The following PROK2 variants were observed in gnomAD, a reference collection of about 807,000 sequenced individuals.
PROK2 encodes the protein prokineticin-2.
In PROK2, 8 loss-of-function variants were observed where a neutral mutation model predicts 14.2. The observed-to-expected ratio is 0.56, with a 90% CI of 0.33 to 1.02. PROK2 has a LOEUF of 1.02. PROK2 is among the 50% of genes least tolerant of loss of function. PROK2 has a pLI of 0.03. For synonymous variants in PROK2, 59 were observed against 60.7 expected, an observed-to-expected ratio of 0.97 and a Z score of 0.13; for missense variants, 154 against 160.4, an observed-to-expected ratio of 0.96 and a Z score of 0.22.
chr3:71,781,541 T>C lies in PROK2; in HGVS notation c.148A>G (p.Ile50Val). Residue 50 changes from isoleucine to valine, a missense_variant, in exon 2 of 4, where the codon ATC becomes GTC. Coordinates refer to ENST00000295619, the MANE Select transcript of PROK2 (RefSeq NM_001126128.2). ...CGGGMCCAVSIWVKSIRICTP... is the reference protein window; with the variant it reads ...CGGGMCCAVSVWVKSIRICTP... ...CAAATCCTTATGCTCTTGACCCAGA[T>C]ACTGACAGCACAGCACATGCCTCCA... The C allele has an allele frequency of 6.2e-7, 1 of 1,612,934 alleles. No individual in the cohort carries two copies. Among genetic ancestry groups the C allele is most frequent in the Non-Finnish European group, 8.5e-7 (1 of 1,178,952 alleles).
chr3:71,772,215 CA>C lies in PROK2; in HGVS notation c.*508del, dbSNP rs1164383694. 2 of 160,898 alleles carry C rather than the reference CA, an allele frequency of 1.2e-5. No homozygotes were observed. The highest frequency in any genetic ancestry group is 4.8e-5 in the African/African-American group (2 of 41,416). 10.0% of individuals were successfully genotyped at this position (160,898 alleles called of 1,614,324 possible). A position where few individuals can be genotyped will look rare whatever the true frequency, so the allele number is the denominator to read the frequency against. On this transcript the variant is annotated 3_prime_UTR_variant, in exon 4 of 4. Coordinates refer to ENST00000295619, the MANE Select transcript of PROK2 (RefSeq NM_001126128.2). ...GATTCTGCCATCAAACTCAAAGAGA[CA>C]AACCCTCCACTTTAAAATGCAAGAG...
chr3:71,781,659 A>T, intron 1 of PROK2, 67 bp from the exon 2 acceptor site: 2 of 1,517,534 alleles, frequency 1.3e-6, no homozygotes, highest in Non-Finnish European at 1.8e-6. Context: ...GAAACCTAAA[A>T]TTAGCAGTGA....
At position 71,777,570 on chromosome 3, in the gene PROK2, T is replaced by C. The variant is rs1559625653; in HGVS notation, c.223-3063A>G. On this transcript the variant is annotated intron_variant, in intron 2 of 3. Transcript: ENST00000295619. ...TTTTCCTTCAGAAAAGGAAGGAAAGTGAAGTTTTTAAAAAAACCTGGTGCT... is the reference window on the plus strand; with the variant it reads ...TTTTCCTTCAGAAAAGGAAGGAAAGCGAAGTTTTTAAAAAAACCTGGTGCT... Among the ~76,000 whole-genome samples the C allele has an allele frequency of 2.0e-5, 3 of 151,984 alleles. No homozygotes were observed. The East Asian group carries it at 5.8e-4, about 29-fold the overall frequency.
intron 3 of PROK2, among the ~76,000 whole-genome samples, chr3:71,773,104 C>T (rs748203315): frequency 2.0e-5 from 3 of 152,128 alleles, no homozygotes; most frequent in Non-Finnish European, 2.9e-5. Context: ...CTCGGGCTCC[C>T]GAGTAGCTGG....
intron 2 of PROK2, among the ~76,000 whole-genome samples, chr3:71,777,149 G>A (rs74627854): frequency 0.021 from 3,250 of 152,212 alleles, 103 homozygotes; most frequent in African/African-American, 0.074. Context: ...TGGGCAAAGC[G>A]CATATAGTAC....
rs1234084395 is a variant in PROK2 at position 71,785,079 on chromosome 3, G to A, written c.-27C>T. The stretch of plus-strand genomic sequence containing the variant: ...GCGCCCTCGGGACTGGGCGGCCGCC[G>A]GAGGCAGTTGGGGGCGCGGGGCCCG... On this transcript the variant is annotated 5_prime_UTR_variant, in exon 1 of 4. Transcript: ENST00000295619. 16 of 1,223,292 alleles carry A rather than the reference G, an allele frequency of 1.3e-5. No homozygotes were observed. Among genetic ancestry groups the A allele is most frequent in the Non-Finnish European group, 1.6e-5 (16 of 977,032 alleles). The allele number at this position is 1,223,292 out of a possible 1,614,324, so 75.8% of individuals were successfully genotyped here. A position where few individuals can be genotyped will look rare whatever the true frequency, so the allele number is the denominator to read the frequency against.
intron 2 of PROK2, among the ~76,000 whole-genome samples, chr3:71,774,972 G>T (rs1205372384): frequency 6.6e-6 from 1 of 152,152 alleles, no homozygotes; most frequent in African/African-American, 2.4e-5. Context: ...TGTGTCCCCA[G>T]GGGACATTTG....
chr3:71,773,633 A>G (rs1261656789), intron 3 of PROK2, among the ~76,000 whole-genome samples: 5 of 152,246 alleles, frequency 3.3e-5, no homozygotes, highest in African/African-American at 1.2e-4. Context: ...TAATTCATAC[A>G]TTTGCACACA....
In PROK2 at chr3:71,772,524, T is replaced by C; in HGVS notation, c.*200A>G. The C allele has an allele frequency of 1.6e-6, 1 of 606,366 alleles. No homozygotes were observed. The highest frequency in any genetic ancestry group is 2.9e-6 in the Non-Finnish European group (1 of 344,174). The allele number at this position is 606,366 out of a possible 1,614,324, so 37.6% of individuals were successfully genotyped here. On this transcript the variant is annotated 3_prime_UTR_variant, in exon 4 of 4. Coordinates refer to ENST00000295619, the MANE Select transcript of PROK2 (RefSeq NM_001126128.2). ...AACCAGTTCCATAATGCCTTACACTTCATATTTCTATCCAAAAGTAAAATT... is the reference window on the plus strand; with the variant it reads ...AACCAGTTCCATAATGCCTTACACTCCATATTTCTATCCAAAAGTAAAATT...
intron 2 of PROK2, among the ~76,000 whole-genome samples, chr3:71,775,710 G>C (rs1316992957): frequency 6.6e-6 from 1 of 152,034 alleles, no homozygotes; most frequent in African/African-American, 2.4e-5. Flanking sequence ...AGTCAAACAG[G>C]GTCCTGCTTT....
chr3:71,777,394 T>C (rs2050128400), intron 2 of PROK2, among the ~76,000 whole-genome samples: 1 of 152,172 alleles, frequency 6.6e-6, no homozygotes, highest in Admixed American at 6.5e-5. Flanking sequence ...TTTTTTACTT[T>C]AAAAAATATG....
Position 71,781,508 on chromosome 3 carries a change from T to C in PROK2, c.181A>G (p.Met61Val), listed in dbSNP as rs1282942039. 1.9e-6 allele frequency: 3 copies of C among 1,613,912 alleles called. No individual in the cohort carries two copies. Among genetic ancestry groups the C allele is most frequent in the Admixed American group, 3.3e-5 (2 of 60,022 alleles). The change falls in exon 2 of 4, where the codon ATG (methionine) becomes GTG (valine). Residue 61 changes from methionine to valine, a missense_variant. Physicochemically the swap from Met to Val is conservative, Grantham distance 21 (BLOSUM62 1). Transcript: ENST00000295619. ...TGGCAGCTGTCTCCCAGTTTGCCCA[T>C]AGGTGTGCAAATCCTTATGCTCTTG... ...WVKSIRICTP[M>V]GKLGDSCHPL...
chr3:71,783,146 C>T (rs2050172150), intron 1 of PROK2, among the ~76,000 whole-genome samples: 1 of 152,178 alleles, frequency 6.6e-6, no homozygotes. Flanking sequence ...AACAGATGCT[C>T]AATACCTCGA....
intron 1 of PROK2, among the ~76,000 whole-genome samples, chr3:71,784,719 G>T (rs988134476): frequency 1.3e-5 from 2 of 152,234 alleles, no homozygotes; most frequent in Non-Finnish European, 2.9e-5. Flanking sequence ...GGTAATAAAG[G>T]TGGTGGGCGA....
chr3:71,780,119 A>C (rs535232080), intron 2 of PROK2, among the ~76,000 whole-genome samples: 1 of 152,358 alleles, frequency 6.6e-6, no homozygotes, highest in Admixed American at 6.5e-5. Context: ...CCAAGAAAAA[A>C]CAATGCATGT....
In PROK2 at chr3:71,772,633, C is replaced by T; in HGVS notation, c.*91G>A. 2 of 1,127,770 alleles carry T rather than the reference C, an allele frequency of 1.8e-6. No individual in the cohort carries two copies. Among genetic ancestry groups the T allele is most frequent in the Non-Finnish European group, 1.3e-6 (1 of 742,880 alleles). 69.9% of individuals were successfully genotyped at this position (1,127,770 alleles called of 1,614,324 possible). On this transcript the variant is annotated 3_prime_UTR_variant, in exon 4 of 4. Transcript: ENST00000295619. ...GAAAGTTGAGGAAGCAAGAGCATTT[C>T]TTTCTGGCACATTTTTTGTTTGGCA... is the stretch of plus-strand genomic sequence containing the variant.
At chr3:71,775,487 A>G (rs1040740708) in intron 2 of PROK2, among the ~76,000 whole-genome samples, 7 of 152,142 alleles carry the variant, frequency 4.6e-5, no homozygotes, top group Non-Finnish European at 1.0e-4. Flanking sequence ...GGCCTGTCAC[A>G]TGGGGTGGGC....
At chr3:71,778,067 G>A (rs969688288) in intron 2 of PROK2, among the ~76,000 whole-genome samples, 2 of 151,952 alleles carry the variant, frequency 1.3e-5, no homozygotes, top group Non-Finnish European at 2.9e-5. Context: ...CGTGGTTGTG[G>A]GCGCCTGTAG....
At position 71,771,771 on chromosome 3, in the gene PROK2, C is replaced by T. The variant is rs898692306; in HGVS notation, c.*953G>A. On this transcript the variant is annotated 3_prime_UTR_variant, in exon 4 of 4. Coordinates refer to ENST00000295619, the MANE Select transcript of PROK2 (RefSeq NM_001126128.2). Reference sequence around the variant, plus strand: ...TACAGGTACAAACGGCAATCCATTACAATCGACCTTTCAGTTACAAACAAG... The same window carrying T: ...TACAGGTACAAACGGCAATCCATTATAATCGACCTTTCAGTTACAAACAAG... 6.6e-6 allele frequency: 1 copy of T among 152,640 alleles called. No individual in the cohort carries two copies. Among genetic ancestry groups the T allele is most frequent in the African/African-American group, 2.4e-5 (1 of 41,456 alleles). 9.5% of individuals were successfully genotyped at this position (152,640 alleles called of 1,614,324 possible).
Sources: gnomAD v4.1 joint callset for allele counts (sites outside exome capture counted in the v4.1 genomes callset) on GRCh38, gnomAD v4.1.1 for gene constraint, MANE v1.5 for transcripts, NCBI Gene and HGNC (gene_info 2026-07-23, HGNC 2026-07-21) for gene names.